The following ERBB4 variants were observed in gnomAD, a reference collection of about 807,000 sequenced individuals.
ERBB4 encodes the protein receptor tyrosine-protein kinase erbB-4.
A neutral mutation model predicts 158.0 loss-of-function variants in ERBB4; 42 were observed. The observed-to-expected ratio is 0.27, with a 90% CI of 0.21 to 0.34. The LOEUF is 0.34. Ranked by LOEUF, ERBB4 falls within the 10% of genes least tolerant of loss-of-function variation. ERBB4 has a pLI of 1.00. For missense variants in ERBB4, 1,333 were observed against 1,624.1 expected (o/e 0.82, Z 3.08); for synonymous variants, 583 against 558.7 (o/e 1.04, Z -0.61).
At chr2:212,166,458 C>T (rs1030907447) in intron 1 of ERBB4, among the ~76,000 whole-genome samples, 1 of 151,796 alleles carries the variant, frequency 6.6e-6, no homozygotes, top group African/African-American at 2.4e-5. Flanking sequence ...AATGGAAAAA[C>T]ATTCTATCCT....
At chr2:211,512,916 G>A (rs2065917155) in intron 20 of ERBB4, among the ~76,000 whole-genome samples, 1 of 152,112 alleles carries the variant, frequency 6.6e-6, no homozygotes, top group African/African-American at 2.4e-5. Context: ...AATAAAAGAT[G>A]TCGGGTAGAA....
At chr2:212,257,854 T>C (rs1351337065) in intron 1 of ERBB4, among the ~76,000 whole-genome samples, 1 of 150,552 alleles carries the variant, frequency 6.6e-6, no homozygotes, top group African/African-American at 2.4e-5. Context: ...GGAAGAAATG[T>C]AAAAAAAAAG....
intron 2 of ERBB4, among the ~76,000 whole-genome samples, chr2:212,048,790 T>A (rs1399607331): frequency 1.3e-5 from 2 of 152,206 alleles, no homozygotes; most frequent in East Asian, 1.9e-4. Flanking sequence ...CATGAGCACA[T>A]ACGTAGTATT....
chr2:212,068,142 T>C (rs1278114987), intron 2 of ERBB4, among the ~76,000 whole-genome samples: 1 of 152,064 alleles, frequency 6.6e-6, no homozygotes, highest in Non-Finnish European at 1.5e-5. Context: ...TGGTGTGTTG[T>C]ATCCTTTCTA....
chr2:212,249,108 C>G (rs543750750), intron 1 of ERBB4, among the ~76,000 whole-genome samples: 2 of 152,110 alleles, frequency 1.3e-5, no homozygotes, highest in East Asian at 3.9e-4. Flanking sequence ...ATTCAACTTG[C>G]TATTAGCACT....
intron 1 of ERBB4, among the ~76,000 whole-genome samples, chr2:212,320,782 C>T (rs2106264268): frequency 6.7e-6 from 1 of 150,240 alleles, no homozygotes; most frequent in Non-Finnish European, 1.5e-5. Context: ...ATCATGATTA[C>T]TTGCCCTATA....
intron 2 of ERBB4, among the ~76,000 whole-genome samples, chr2:212,053,668 T>C (rs566476320): frequency 6.6e-5 from 10 of 152,296 alleles, no homozygotes; most frequent in Admixed American, 6.5e-4. Flanking sequence ...GCCTATGATC[T>C]GGCCCTTCCT....
At chr2:212,259,369 G>C (rs970979000) in intron 1 of ERBB4, among the ~76,000 whole-genome samples, 1 of 151,992 alleles carries the variant, frequency 6.6e-6, no homozygotes, top group African/African-American at 2.4e-5. Flanking sequence ...AGAAATTCCA[G>C]GTAAAGCCCA....
chr2:212,083,765 C>A (rs1344274328), intron 2 of ERBB4, among the ~76,000 whole-genome samples: 1 of 151,802 alleles, frequency 6.6e-6, no homozygotes, highest in Non-Finnish European at 1.5e-5. Flanking sequence ...TAATTCATGT[C>A]TAAATCTCAG....
chr2:212,281,192 CTAATTTCATTAATA>C (rs1386194532), intron 1 of ERBB4, among the ~76,000 whole-genome samples: 2 of 151,628 alleles, frequency 1.3e-5, no homozygotes, highest in South Asian at 2.1e-4. Context: ...CATTAGTCTA[CTAATTTCATTAATA>C]TAATTTAACT....
At chr2:211,796,809 C>T (rs2076391768) in intron 3 of ERBB4, among the ~76,000 whole-genome samples, 1 of 151,860 alleles carries the variant, frequency 6.6e-6, no homozygotes, top group African/African-American at 2.4e-5. Context: ...TGTTAAAAAC[C>T]TGATCTTTAA....
chr2:211,406,574 AAG>A (rs906151198), intron 25 of ERBB4, among the ~76,000 whole-genome samples: 4 of 152,088 alleles, frequency 2.6e-5, no homozygotes, highest in Non-Finnish European at 5.9e-5. Flanking sequence ...GCAATAATAA[AAG>A]AGAAAAGAAA....
chr2:211,583,930 T>C (rs929704493), intron 19 of ERBB4, among the ~76,000 whole-genome samples: 1 of 150,914 alleles, frequency 6.6e-6, no homozygotes, highest in African/African-American at 2.4e-5. Flanking sequence ...ATTCAAACAA[T>C]TTAAAATGCA....
chr2:212,225,127 G>C (rs921706536), intron 1 of ERBB4, among the ~76,000 whole-genome samples: 21 of 151,318 alleles, frequency 1.4e-4, no homozygotes, highest in African/African-American at 5.1e-4. Flanking sequence ...TTTCCTCCTA[G>C]GATTTTAATA....
intron 1 of ERBB4, among the ~76,000 whole-genome samples, chr2:212,223,602 T>G (rs887034948): frequency 6.6e-6 from 1 of 151,322 alleles, no homozygotes; most frequent in African/African-American, 2.4e-5. Flanking sequence ...ATTTAGCATT[T>G]AATTTGGAAA....
intron 1 of ERBB4, among the ~76,000 whole-genome samples, chr2:212,479,482 AC>A (rs1689576749): frequency 6.6e-6 from 1 of 152,182 alleles, no homozygotes; most frequent in Non-Finnish European, 1.5e-5. Flanking sequence ...ACACAAGAGC[AC>A]CCAATATTGA....
chr2:211,669,254 C>A (rs1031979165), intron 14 of ERBB4, among the ~76,000 whole-genome samples: 1,387 of 134,586 alleles, frequency 0.01, 11 homozygotes, highest in Non-Finnish European at 0.014. Flanking sequence ...AAGAAAAAAG[C>A]AAAAAACAAC....
intron 1 of ERBB4, among the ~76,000 whole-genome samples, chr2:212,204,562 T>G (rs372885572): frequency 1.3e-4 from 19 of 151,844 alleles, no homozygotes; most frequent in African/African-American, 4.3e-4. Flanking sequence ...GCCGGCTTCA[T>G]GGTACATGCC....
At chr2:211,854,816 A>G (rs2077811728) in intron 3 of ERBB4, among the ~76,000 whole-genome samples, 1 of 152,018 alleles carries the variant, frequency 6.6e-6, no homozygotes, top group African/African-American at 2.4e-5. Flanking sequence ...GTGTGTGTGC[A>G]TTTGTATATG....
Sources: allele counts gnomAD v4.1 joint callset (sites outside exome capture counted in the v4.1 genomes callset), GRCh38; gene constraint gnomAD v4.1.1; transcripts MANE v1.5; gene names NCBI Gene and HGNC (gene_info 2026-07-23, HGNC 2026-07-21).